The following TET2 variants were observed in gnomAD, a reference collection of about 807,000 sequenced individuals.
TET2 encodes the protein tet methylcytosine dioxygenase 2, also known as methylcytosine dioxygenase TET2.
A neutral mutation model predicts 142.9 loss-of-function variants in TET2; 299 were observed. The ratio of observed to expected loss-of-function variants is 2.09; its 90% CI spans 1.90 to 2.30. The LOEUF (loss-of-function observed/expected upper bound fraction) is 2.30. Among genes scored for constraint, TET2 ranks in the 30% most tolerant of loss-of-function variants. The pLI is 0.00. For synonymous variants in TET2, 819 were observed against 849.0 expected (o/e 0.96, Z 0.61); for missense variants, 2,418 against 2,378.0 (o/e 1.02, Z -0.35).
chr4:105,278,734 A>G lies in TET2; in HGVS notation c.*2215A>G, dbSNP rs940860189. 8.6e-6 allele frequency: 2 copies of G among 232,858 alleles called. No individual in the cohort carries two copies. Among genetic ancestry groups the G allele is most frequent in the African/African-American group, 4.4e-5 (2 of 45,316 alleles). The allele number at this position is 232,858 out of a possible 1,614,324, so 14.4% of individuals were successfully genotyped here. A position where few individuals can be genotyped will look rare whatever the true frequency, so the allele number is the denominator to read the frequency against. ...TTTGACTGTTTCAAGCAGGAAAAAA[A>G]AATTACATGAAAATAGAATGCACTG... On this transcript the variant is annotated 3_prime_UTR_variant, in exon 11 of 11. Transcript: ENST00000380013.
intron 1 of TET2, among the ~76,000 whole-genome samples, chr4:105,168,216 A>G (rs1470243228): frequency 6.6e-6 from 1 of 152,070 alleles, no homozygotes; most frequent in Non-Finnish European, 1.5e-5. Flanking sequence ...AAAACCATTA[A>G]TGGGTCTCTG....
intron 1 of TET2, among the ~76,000 whole-genome samples, chr4:105,150,986 C>A (rs1355057894): frequency 6.6e-6 from 1 of 152,134 alleles, no homozygotes. Context: ...GATATATAAT[C>A]TTTTTCTCAA....
At chr4:105,175,887 T>C (rs996651856) in intron 1 of TET2, among the ~76,000 whole-genome samples, 2 of 152,026 alleles carry the variant, frequency 1.3e-5, no homozygotes, top group African/African-American at 4.8e-5. Context: ...TCATAAACCA[T>C]ACAAATAAGA....
At chr4:105,153,126 C>T (rs1723392274) in intron 1 of TET2, among the ~76,000 whole-genome samples, 1 of 152,038 alleles carries the variant, frequency 6.6e-6, no homozygotes, top group African/African-American at 2.4e-5. Flanking sequence ...ATTCATATGC[C>T]ATTGTATGAA....
At chr4:105,194,901 A>ACTCTTATAC (rs1725991595) in intron 2 of TET2, among the ~76,000 whole-genome samples, 1 of 151,924 alleles carries the variant, frequency 6.6e-6, no homozygotes, top group African/African-American at 2.4e-5. Context: ...AAGCAAAACC[A>ACTCTTATAC]CTCTTATACA....
intron 8 of TET2, among the ~76,000 whole-genome samples, chr4:105,269,133 A>G (rs1286640099): frequency 6.6e-6 from 1 of 152,182 alleles, no homozygotes; most frequent in African/African-American, 2.4e-5. Context: ...AGGGATAACC[A>G]TTTTATCCAG....
intron 2 of TET2, among the ~76,000 whole-genome samples, chr4:105,225,222 G>A (rs886364643): frequency 5.3e-5 from 8 of 150,316 alleles, no homozygotes; most frequent in African/African-American, 2.0e-4. Context: ...TTTGAATAAT[G>A]AGCTATGTGT....
intron 2 of TET2, among the ~76,000 whole-genome samples, chr4:105,206,744 C>T (rs1726849412): frequency 6.6e-6 from 1 of 152,084 alleles, no homozygotes; most frequent in African/African-American, 2.4e-5. Context: ...TTTTCTTTGA[C>T]TGTTTAAATC....
intron 8 of TET2, among the ~76,000 whole-genome samples, chr4:105,268,579 T>C (rs1017403392): frequency 3.9e-5 from 6 of 152,188 alleles, no homozygotes; most frequent in Non-Finnish European, 7.4e-5. Context: ...GGACTTGGAA[T>C]AGTCAAATAA....
At chr4:105,216,123 G>T (rs1727477246) in intron 2 of TET2, among the ~76,000 whole-genome samples, 1 of 152,108 alleles carries the variant, frequency 6.6e-6, no homozygotes, top group Non-Finnish European at 1.5e-5. Context: ...ACATTTCCAT[G>T]CTGTGAATAT....
chr4:105,227,036 G>A (rs989823329), intron 2 of TET2, among the ~76,000 whole-genome samples: 1 of 152,100 alleles, frequency 6.6e-6, no homozygotes, highest in African/African-American at 2.4e-5. Flanking sequence ...TATTTTGGTA[G>A]CTCTAACAGT....
intron 9 of TET2, among the ~76,000 whole-genome samples, chr4:105,269,991 A>G (rs998437116): frequency 3.9e-5 from 6 of 152,170 alleles, no homozygotes; most frequent in Admixed American, 6.5e-5. Flanking sequence ...AGATCTCATG[A>G]GACTTACTCT....
chr4:105,214,130 T>C (rs1727333561), intron 2 of TET2, among the ~76,000 whole-genome samples: 1 of 151,834 alleles, frequency 6.6e-6, no homozygotes, highest in South Asian at 2.1e-4. Context: ...GGACAAAAGT[T>C]TGCCATTGTC....
At chr4:105,266,436 C>T (rs752805754) in intron 8 of TET2, among the ~76,000 whole-genome samples, 5 of 151,832 alleles carry the variant, frequency 3.3e-5, no homozygotes, top group Non-Finnish European at 5.9e-5. Context: ...AAAATATAAC[C>T]TTTACTGGGG....
At chr4:105,229,670 A>G (rs1450049570) in intron 2 of TET2, among the ~76,000 whole-genome samples, 2 of 151,766 alleles carry the variant, frequency 1.3e-5, no homozygotes, top group African/African-American at 2.4e-5. Context: ...AAAAAAAGGA[A>G]TAGTTAAAAG....
rs1730325067 is a variant in TET2 at position 105,259,678 on chromosome 4, G to A, written c.3863G>A (p.Gly1288Asp). Reference sequence around the variant, plus strand: ...ACCTGTGGTGCCTCCTTCTCTTTTGGTTGTTCATGGAGCATGTACTACAAT... The same window carrying A: ...ACCTGTGGTGCCTCCTTCTCTTTTGATTGTTCATGGAGCATGTACTACAAT... ...PETCGASFSF[G>D]CSWSMYYNGC... Residue 1288 changes from glycine (G) to aspartate (D), a missense_variant, in exon 7 of 11, where the codon GGT becomes GAT. By Grantham distance (94) the Gly-to-Asp change is moderately conservative. Coordinates refer to ENST00000380013, the MANE Select transcript of TET2 (RefSeq NM_001127208.3). 2.6e-6 allele frequency: 4 copies of A among 1,551,008 alleles called. No individual in the cohort carries two copies. Among genetic ancestry groups the A allele is most frequent in the South Asian group, 1.2e-5 (1 of 84,024 alleles).
At chr4:105,267,539 T>TAAAAAAAAAAAAAA (rs35668673) in intron 8 of TET2, among the ~76,000 whole-genome samples, 1 of 127,622 alleles carries the variant, frequency 7.8e-6, no homozygotes. Flanking sequence ...CTTAAACCAC[T>TAAAAAAAAAAAAAA]AAAAAAAAAA....
intron 6 of TET2, among the ~76,000 whole-genome samples, chr4:105,250,036 C>T (rs566699408): frequency 2.0e-5 from 3 of 152,256 alleles, no homozygotes; most frequent in Non-Finnish European, 2.9e-5. Context: ...AACTTTAGTT[C>T]TTACATTTAG....
chr4:105,249,058 C>T (rs1211808310), intron 6 of TET2, among the ~76,000 whole-genome samples: 6 of 143,886 alleles, frequency 4.2e-5, no homozygotes, highest in Non-Finnish European at 6.0e-5. Flanking sequence ...GACAGAGTCT[C>T]GCTCTGTTGC....
Sources: gnomAD v4.1 joint callset for allele counts (sites outside exome capture counted in the v4.1 genomes callset) on GRCh38, gnomAD v4.1.1 for gene constraint, MANE v1.5 for transcripts, NCBI Gene and HGNC (gene_info 2026-07-23, HGNC 2026-07-21) for gene names.